The following GAS2 variants were observed in gnomAD, a reference collection of about 807,000 sequenced individuals.
GAS2 encodes the protein growth arrest specific 2, also known as growth arrest-specific protein 2.
Under a neutral mutation model 37.5 loss-of-function variants are expected in GAS2, and 20 were observed. The ratio of observed to expected loss-of-function variants is 0.53; its 90% CI spans 0.37 to 0.77. GAS2 has a LOEUF of 0.77. GAS2 is among the 30% of genes least tolerant of loss of function. The probability of loss-of-function intolerance (pLI) is 0.00; values close to 1 mark genes in which losing one functional copy is unlikely to be tolerated. For missense variants in GAS2, 336 were observed against 373.4 expected, an observed-to-expected ratio of 0.90 and a Z score of 0.82; for synonymous variants, 144 against 132.2, an observed-to-expected ratio of 1.09 and a Z score of -0.61.
intron 5 of GAS2, among the ~76,000 whole-genome samples, chr11:22,746,285 C>T (rs1853397996): frequency 6.6e-6 from 1 of 152,162 alleles, no homozygotes; most frequent in African/African-American, 2.4e-5. Context: ...ATTAGTTCAG[C>T]CACTGAGGAA....
intron 2 of GAS2, among the ~76,000 whole-genome samples, chr11:22,682,713 A>C (rs1361870813): frequency 6.6e-6 from 1 of 151,796 alleles, no homozygotes; most frequent in African/African-American, 2.4e-5. Context: ...CCCTGTCTCT[A>C]CTAAAAATAC....
intron 1 of GAS2, among the ~76,000 whole-genome samples, chr11:22,650,951 T>C (rs1848767875): frequency 6.6e-6 from 1 of 152,098 alleles, no homozygotes; most frequent in African/African-American, 2.4e-5. Flanking sequence ...GTGAATTTGA[T>C]CCTGTCATTA....
chr11:22,706,037 G>A (rs1039692292), intron 3 of GAS2, among the ~76,000 whole-genome samples: 5 of 152,174 alleles, frequency 3.3e-5, no homozygotes, highest in Non-Finnish European at 5.9e-5. Context: ...AGTATGTCTG[G>A]AGACTAGCAC....
chr11:22,728,985 G>T (rs1171380455), intron 4 of GAS2, among the ~76,000 whole-genome samples: 1 of 150,328 alleles, frequency 6.7e-6, no homozygotes, highest in Non-Finnish European at 1.5e-5. Flanking sequence ...TGTGTCCTCT[G>T]CTTGATGTCT....
At chr11:22,701,138 T>C (rs1172594168) in intron 3 of GAS2, among the ~76,000 whole-genome samples, 1 of 152,162 alleles carries the variant, frequency 6.6e-6, no homozygotes, top group Admixed American at 6.6e-5. Flanking sequence ...TTAGGAAAAC[T>C]GCACAGTAAA....
At chr11:22,810,089 A>G (rs1036186168) in intron 7 of GAS2, among the ~76,000 whole-genome samples, 1 of 152,182 alleles carries the variant, frequency 6.6e-6, no homozygotes, top group Non-Finnish European at 1.5e-5. Flanking sequence ...AACATTGAGT[A>G]TTTCCAGGGG....
At position 22,811,820 on chromosome 11, in the gene GAS2, T is replaced by C. The variant is rs752088838; in HGVS notation, c.746T>C (p.Met249Thr). 6.2e-7 allele frequency: 1 copy of C among 1,614,134 alleles called. No individual in the cohort carries two copies. Among genetic ancestry groups the C allele is most frequent in the South Asian group, 1.1e-5 (1 of 91,082 alleles). ...FIRMLHNKHVMVRVGGGWETF... is the reference protein window; with the variant it reads ...FIRMLHNKHVTVRVGGGWETF... ...CAGATGCTGCACAACAAACATGTCA[T>C]GGTCCGTGTGGGAGGAGGCTGGGAA... Residue 249 changes from methionine to threonine, a missense_variant, in exon 8 of 8, where the codon ATG (methionine) becomes ACG (threonine). Transcript: ENST00000454584.
intron 7 of GAS2, among the ~76,000 whole-genome samples, chr11:22,803,847 G>A (rs1035553536): frequency 2.6e-5 from 4 of 152,050 alleles, no homozygotes; most frequent in African/African-American, 9.7e-5. Flanking sequence ...GCAATATTGT[G>A]GGATTCATGT....
intron 7 of GAS2, among the ~76,000 whole-genome samples, chr11:22,788,482 G>A (rs535469263): frequency 6.6e-6 from 1 of 152,228 alleles, no homozygotes; most frequent in African/African-American, 2.4e-5. Flanking sequence ...GTAAGCACTT[G>A]TATCCCTGCC....
chr11:22,635,966 G>C (rs1357933642), intron 1 of GAS2, among the ~76,000 whole-genome samples: 1 of 152,098 alleles, frequency 6.6e-6, no homozygotes, highest in East Asian at 1.9e-4. Context: ...ACACTCTGGG[G>C]ACTCACAGTT....
intron 4 of GAS2, among the ~76,000 whole-genome samples, chr11:22,732,269 G>A (rs1852514891): frequency 6.6e-6 from 1 of 151,530 alleles, no homozygotes; most frequent in African/African-American, 2.4e-5. Context: ...CTGGGTGCTG[G>A]GTGCTAGAGG....
At chr11:22,767,142 C>A (rs898751129) in intron 7 of GAS2, among the ~76,000 whole-genome samples, 2 of 152,014 alleles carry the variant, frequency 1.3e-5, no homozygotes, top group African/African-American at 4.8e-5. Context: ...TACATTATCT[C>A]ATTTTAGCTT....
intron 3 of GAS2, among the ~76,000 whole-genome samples, chr11:22,720,715 T>C (rs935095207): frequency 6.6e-6 from 1 of 152,032 alleles, no homozygotes; most frequent in Admixed American, 6.6e-5. Context: ...CATTTATGTA[T>C]CTCTTCTGTT....
chr11:22,650,517 G>T (rs1031135931), intron 1 of GAS2, among the ~76,000 whole-genome samples: 3 of 150,536 alleles, frequency 2.0e-5, no homozygotes, highest in Non-Finnish European at 3.0e-5. Flanking sequence ...TGACAGTGGG[G>T]TGTTAAAGTC....
At chr11:22,755,778 C>T (rs1276553801) in intron 6 of GAS2, 68 bp from the exon 7 acceptor site, 3 of 1,146,634 alleles carry the variant, frequency 2.6e-6, no homozygotes, top group South Asian at 1.3e-5. Flanking sequence ...GCCGTGGAGT[C>T]CTTGGAGCAA....
intron 1 of GAS2, among the ~76,000 whole-genome samples, chr11:22,650,739 A>G (rs1848764434): frequency 6.6e-6 from 1 of 152,086 alleles, no homozygotes; most frequent in Non-Finnish European, 1.5e-5. Flanking sequence ...TAGAATTGCA[A>G]CCCCTGCCTT....
chr11:22,719,835 A>C (rs411591), intron 3 of GAS2, among the ~76,000 whole-genome samples: 1 of 152,050 alleles, frequency 6.6e-6, no homozygotes, highest in Non-Finnish European at 1.5e-5. Flanking sequence ...GTCTGACTTT[A>C]CAATCGTTTC....
intron 5 of GAS2, among the ~76,000 whole-genome samples, chr11:22,748,082 A>T (rs1171614522): frequency 6.6e-6 from 1 of 152,162 alleles, no homozygotes; most frequent in African/African-American, 2.4e-5. Context: ...TTTACTTTGT[A>T]TATTTTTTAA....
At chr11:22,694,596 A>G (rs1850407306) in intron 3 of GAS2, among the ~76,000 whole-genome samples, 1 of 152,200 alleles carries the variant, frequency 6.6e-6, no homozygotes, top group Non-Finnish European at 1.5e-5. Flanking sequence ...TTGAAGTTCT[A>G]ATTCCTTTAT....
Sources: allele counts gnomAD v4.1 joint callset (sites outside exome capture counted in the v4.1 genomes callset), GRCh38; gene constraint gnomAD v4.1.1; transcripts MANE v1.5; gene names NCBI Gene and HGNC (gene_info 2026-07-23, HGNC 2026-07-21).